NEU4: variants seen among roughly 807,000 people sequenced by gnomAD.
NEU4 encodes neuraminidase 4.
In NEU4, 7 loss-of-function variants were observed where a neutral mutation model predicts 9.9. The observed-to-expected ratio is 0.71, with a 90% CI of 0.40 to 1.33. NEU4 has a LOEUF of 1.33. NEU4 is among the 40% of genes most tolerant of loss of function. The pLI is 0.01. For synonymous variants in NEU4, 348 were observed against 316.9 expected (o/e 1.10, Z -1.04); for missense variants, 717 against 712.6 (o/e 1.01, Z -0.07).
rs759769002 is a variant in NEU4 at position 241,816,818 on chromosome 2, C to T, written c.1225C>T (p.Pro409Ser). The T allele has an allele frequency of 4.4e-6, 7 of 1,608,622 alleles. No homozygotes were observed. Among genetic ancestry groups the T allele is most frequent in the Non-Finnish European group, 5.9e-6 (7 of 1,178,302 alleles). ...GCTGGACCCGCGCAGCTGGACAGAG[C>T]CCTGGGTGATCTACGAGGGCCCCAG... ...SPLDPRSWTE[P>S]WVIYEGPSGY... Residue 409 changes from proline to serine, a missense_variant, in exon 4 of 4, where the codon CCC becomes TCC. Coordinates refer to ENST00000407683, the MANE Select transcript of NEU4 (RefSeq NM_001167600.3).
Position 241,817,152 on chromosome 2 carries a change from T to G in NEU4, c.*104T>G. 8.2e-7 allele frequency: 1 copy of G among 1,219,430 alleles called. No homozygotes were observed. 75.5% of individuals were successfully genotyped at this position (1,219,430 alleles called of 1,614,324 possible). A position where few individuals can be genotyped will look rare whatever the true frequency, so the allele number is the denominator to read the frequency against. The stretch of plus-strand genomic sequence containing the variant: ...TGTGGGGGGGGCTCTTAGTGCAGGA[T>G]CCTGTGGATTAGAAACAAGTTGCTC... On this transcript the variant is annotated 3_prime_UTR_variant, in exon 4 of 4. Coordinates refer to ENST00000407683, the MANE Select transcript of NEU4 (RefSeq NM_001167600.3).
chr2:241,817,016 G>A lies in NEU4; in HGVS notation c.1423G>A (p.Asp475Asn), dbSNP rs780605978. 1.2e-6 allele frequency: 2 copies of A among 1,604,846 alleles called. No homozygotes were observed. Among genetic ancestry groups the A allele is most frequent in the Admixed American group, 1.7e-5 (1 of 59,376 alleles). The change falls in exon 4 of 4, where the codon GAC (aspartate) becomes AAC (asparagine). Residue 475 changes from aspartate (D) to asparagine (N), a missense_variant. Asp to Asn is a conservative substitution (Grantham distance 23). Transcript: ENST00000407683. ...CAGCCCCAAACCGCCCAACCTTGGG[G>A]ACAAGCCTCGGGGGTGCTGCTGGCC... is the stretch of plus-strand genomic sequence containing the variant. ...PASPKPPNLG[D>N]KPRGCCWPS
Sources: gnomAD v4.1 joint callset for allele counts on GRCh38, gnomAD v4.1.1 for gene constraint, MANE v1.5 for transcripts, NCBI Gene and HGNC (gene_info 2026-07-23, HGNC 2026-07-21) for gene names.